GRM3: variants seen among roughly 807,000 people sequenced by gnomAD.
GRM3 encodes metabotropic glutamate receptor 3.
Under a neutral mutation model 70.5 loss-of-function variants are expected in GRM3, and 26 were observed. The ratio of observed to expected loss-of-function variants is 0.37; its 90% confidence interval spans 0.27 to 0.51. The LOEUF (loss-of-function observed/expected upper bound fraction) is 0.51. GRM3 is among the 20% of genes least tolerant of loss of function. The pLI is 0.93. For synonymous variants in GRM3, 443 were observed against 434.9 expected, an observed-to-expected ratio of 1.02 and a Z score of -0.23; for missense variants, 859 against 1,123.8, an observed-to-expected ratio of 0.76 and a Z score of 3.37.
At chr7:86,754,623 C>T (rs1796302546) in intron 1 of GRM3, among the ~76,000 whole-genome samples, 1 of 152,038 alleles carries the variant, frequency 6.6e-6, no homozygotes, top group African/African-American at 2.4e-5. Flanking sequence ...CTATGTAGAA[C>T]ATTAACCATA....
rs1486280497 is a variant in GRM3, at chr7:86,839,263, T to G, written c.1749T>G (p.Ile583Met). ...CCTGGGCCATTGGCCCAGTCACCATTGCCTGTCTGGGTTTTATGTGTACAT... is the reference window on the plus strand; with the variant it reads ...CCTGGGCCATTGGCCCAGTCACCATGGCCTGTCTGGGTTTTATGTGTACAT... ...EDAWAIGPVT[I>M]ACLGFMCTCM... Residue 583 changes from isoleucine to methionine, a missense_variant, in exon 4 of 6, where the codon ATT becomes ATG. Ile to Met is a conservative substitution (Grantham distance 10, BLOSUM62 1). Transcript: ENST00000361669. This position sits in a 1 kb window ranked among gnomAD's most constrained non-coding sequence, Gnocchi z 4.5. 1.9e-6 allele frequency: 3 copies of G among 1,613,768 alleles called. No individual in the cohort carries two copies. The highest frequency in any genetic ancestry group is 2.5e-6 in the Non-Finnish European group (3 of 1,179,632).
At chr7:86,844,580 A>G (rs1374370954) in intron 4 of GRM3, among the ~76,000 whole-genome samples, 1 of 152,224 alleles carries the variant, frequency 6.6e-6, no homozygotes, top group Admixed American at 6.5e-5. Flanking sequence ...AGGCTGCTGT[A>G]AAGACTCTAT....
chr7:86,671,388 A>T (rs1584153329), intron 1 of GRM3, among the ~76,000 whole-genome samples: 1 of 152,304 alleles, frequency 6.6e-6, no homozygotes, highest in East Asian at 1.9e-4. Flanking sequence ...GTTCTGTTTC[A>T]TTCTTTATGT....
chr7:86,863,325 T>C (rs993136625), intron 5 of GRM3, among the ~76,000 whole-genome samples: 2 of 152,238 alleles, frequency 1.3e-5, no homozygotes, highest in African/African-American at 4.8e-5. Context: ...AGTATATATA[T>C]CCATACTATA....
At chr7:86,765,864 T>C (rs1279516465) in intron 2 of GRM3, among the ~76,000 whole-genome samples, 2 of 152,148 alleles carry the variant, frequency 1.3e-5, no homozygotes, top group Non-Finnish European at 2.9e-5. Flanking sequence ...GTGGTTCAAA[T>C]AAGAATATTA....
At position 86,719,128 on chromosome 7, in the gene GRM3, G is replaced by GA. The variant is rs371406103; in HGVS notation, c.-140-45870dup. On this transcript the variant is annotated intron_variant, in intron 1 of 5. Transcript: ENST00000361669. ...GGTTCTGATCCAAGCAGTTCTGGGG[G>GA]AAAAAAAAGATGTAGTGAAAAAATA... 7.7e-3 allele frequency among the ~76,000 whole-genome samples: 1,158 copies of GA among 151,174 alleles called. 31 individuals carry two copies. The highest frequency in any genetic ancestry group is 0.047 in the Admixed American group (713 of 15,166).
intron 1 of GRM3, among the ~76,000 whole-genome samples, chr7:86,740,116 A>G (rs1316688933): frequency 1.3e-5 from 2 of 152,236 alleles, no homozygotes; most frequent in Admixed American, 6.5e-5. Context: ...AATCAGAAGA[A>G]AAACCAACCA....
intron 4 of GRM3, among the ~76,000 whole-genome samples, chr7:86,846,847 C>T (rs767178576): frequency 4.3e-4 from 65 of 152,176 alleles, no homozygotes; most frequent in African/African-American, 1.4e-3. Flanking sequence ...TGTCTGTTGG[C>T]GTTTCTTCCT....
At chr7:86,664,341 G>T (rs1324430405) in intron 1 of GRM3, among the ~76,000 whole-genome samples, 1 of 151,694 alleles carries the variant, frequency 6.6e-6, no homozygotes, top group Non-Finnish European at 1.5e-5. Context: ...ATGACTTGGT[G>T]GTATATCGGT....
intron 3 of GRM3, among the ~76,000 whole-genome samples, chr7:86,812,789 G>A (rs567397673): frequency 6.6e-6 from 1 of 151,838 alleles, no homozygotes; most frequent in South Asian, 2.1e-4. Flanking sequence ...GGAAATGATA[G>A]GATTGTTGGC....
chr7:86,803,842 T>C (rs1797733646), intron 3 of GRM3, among the ~76,000 whole-genome samples: 2 of 152,132 alleles, frequency 1.3e-5, no homozygotes, highest in Non-Finnish European at 1.5e-5. Flanking sequence ...AATAAAGAAA[T>C]TGTCAAAAGT....
At chr7:86,721,938 A>G (rs1795476144) in intron 1 of GRM3, among the ~76,000 whole-genome samples, 1 of 151,988 alleles carries the variant, frequency 6.6e-6, no homozygotes, top group African/African-American at 2.4e-5. Context: ...AGAAACATTG[A>G]CTCCTGGAAA....
At chr7:86,702,185 G>A (rs1794960269) in intron 1 of GRM3, among the ~76,000 whole-genome samples, 1 of 151,926 alleles carries the variant, frequency 6.6e-6, no homozygotes, top group Non-Finnish European at 1.5e-5. Context: ...TAAGTGTGAG[G>A]CCATACAACA....
At chr7:86,694,126 T>C (rs1237893469) in intron 1 of GRM3, among the ~76,000 whole-genome samples, 1 of 152,178 alleles carries the variant, frequency 6.6e-6, no homozygotes, top group African/African-American at 2.4e-5. Context: ...ACCAGAATTA[T>C]TTCCCTCACT....
In GRM3 at chr7:86,794,255, T is replaced by C. The variant is rs1397782375; in HGVS notation, c.1324+7139T>C. Among the ~76,000 whole-genome samples, 3 of 152,174 alleles carry C rather than the reference T, an allele frequency of 2.0e-5. No individual in the cohort carries two copies. In the East Asian group the frequency reaches 5.8e-4, roughly 29 times the overall value. On this transcript the variant is annotated intron_variant, in intron 3 of 5. Coordinates refer to ENST00000361669, the MANE Select transcript of GRM3 (RefSeq NM_000840.3). ...TCCACTTCTGTATACCTTTATGCTA[T>C]TACTTATCCTGAGCAGGACACTGAG...
rs802468 is a variant in GRM3 at position 86,699,896 on chromosome 7, C to T, written c.-141+55024C>T. 3.2e-4 allele frequency among the ~76,000 whole-genome samples: 49 copies of T among 152,034 alleles called. 1 individual carries two copies. The highest frequency in any genetic ancestry group is 1.1e-3 in the African/African-American group (47 of 41,488). ...TGCTCTGGGATAAGAAAAACTTGACCTGCATCCATGTAAATTTGATAATTT... is the reference window on the plus strand; with the variant it reads ...TGCTCTGGGATAAGAAAAACTTGACTTGCATCCATGTAAATTTGATAATTT... On this transcript the variant is annotated intron_variant, in intron 1 of 5. Coordinates refer to ENST00000361669, the MANE Select transcript of GRM3 (RefSeq NM_000840.3).
intron 1 of GRM3, among the ~76,000 whole-genome samples, chr7:86,724,485 C>G (rs188823363): frequency 6.6e-6 from 1 of 152,044 alleles, no homozygotes; most frequent in Non-Finnish European, 1.5e-5. Flanking sequence ...TTCCTAGGAG[C>G]CCTTTACATT....
At chr7:86,808,443 A>C (rs1797841440) in intron 3 of GRM3, among the ~76,000 whole-genome samples, 1 of 151,974 alleles carries the variant, frequency 6.6e-6, no homozygotes, top group Admixed American at 6.6e-5. Flanking sequence ...TCTGGAAATT[A>C]AGAAGCGAAA....
chr7:86,675,481 C>G (rs1429813617), intron 1 of GRM3, among the ~76,000 whole-genome samples: 2 of 151,990 alleles, frequency 1.3e-5, no homozygotes, highest in African/African-American at 4.8e-5. Context: ...ACAGTGAGAG[C>G]CAAGAACCTA....
Sources: allele counts gnomAD v4.1 joint callset (sites outside exome capture counted in the v4.1 genomes callset), GRCh38; gene constraint gnomAD v4.1.1; non-coding constraint Gnocchi (gnomAD v3.1); transcripts MANE v1.5; gene names NCBI Gene and HGNC (gene_info 2026-07-23, HGNC 2026-07-21).